Variants in PRPF38B observed in about 807,000 individuals in gnomAD.
PRPF38B encodes the protein pre-mRNA-splicing factor 38B.
In PRPF38B, 18 loss-of-function variants were observed where a neutral mutation model predicts 67.2. The observed-to-expected ratio is 0.27, with a 90% confidence interval of 0.19 to 0.40. PRPF38B has a LOEUF of 0.40. PRPF38B is among the 10% of genes least tolerant of loss of function. The pLI is 1.00. For synonymous variants in PRPF38B, 246 were observed against 234.2 expected, an observed-to-expected ratio of 1.05 and a Z score of -0.46; for missense variants, 544 against 684.9, an observed-to-expected ratio of 0.79 and a Z score of 2.30.
chr1:108,693,306 C>G (rs1389184936), intron 1 of PRPF38B, among the ~76,000 whole-genome samples: 1 of 152,020 alleles, frequency 6.6e-6, no homozygotes, highest in African/African-American at 2.4e-5. Flanking sequence ...GTTGTTGGTA[C>G]TCACTATCCG....
intron 1 of PRPF38B, among the ~76,000 whole-genome samples, chr1:108,694,316 C>T (rs2101033871): frequency 6.6e-6 from 1 of 152,240 alleles, no homozygotes. Flanking sequence ...GCGGCAGGTT[C>T]TGTTTTCTAA....
chr1:108,695,962 G>A (rs1377656813), intron 2 of PRPF38B, 81 bp from the exon 3 acceptor site: 1 of 1,457,364 alleles, frequency 6.9e-7, no homozygotes, highest in African/African-American at 1.4e-5. Flanking sequence ...GATTGTTATT[G>A]ATACCTAACA....
At position 108,700,454 on chromosome 1, in the gene PRPF38B, A is replaced by G. The variant is rs538150961; in HGVS notation, c.*434A>G. On this transcript the variant is annotated 3_prime_UTR_variant, in exon 6 of 6. Transcript: ENST00000370025. ...GTAATAGAATGCTAAAGACTTTGAG[A>G]ATGGATCTTGGATGTCTATTATAGG... The G allele has an allele frequency of 6.3e-6, 1 of 157,796 alleles. No individual in the cohort carries two copies. The highest frequency in any genetic ancestry group is 1.9e-4 in the South Asian group (1 of 5,344). 9.8% of individuals were successfully genotyped at this position (157,796 alleles called of 1,614,324 possible). A position where few individuals can be genotyped will look rare whatever the true frequency, so the allele number is the denominator to read the frequency against.
chr1:108,692,631 C>T lies in PRPF38B; in HGVS notation c.40C>T (p.Pro14Ser), dbSNP rs780181983. The change falls in exon 1 of 6, where the codon CCG (proline) becomes TCG (serine). Residue 14 changes from proline to serine, a missense_variant. Pro to Ser is a moderately conservative substitution (Grantham distance 74, BLOSUM62 -1). Around this residue, in one of 5 missense-constraint regions of PRPF38B, gnomAD observed 70 missense variants for 58.4 expected, o/e 1.20. Transcript: ENST00000370025. ...NSPALTGNSQ[P>S]QHQAAAAAAQ... ...CCCCGCGCTGACAGGCAACTCGCAG[C>T]CGCAGCACCAGGCGGCTGCAGCTGC... 2.5e-6 allele frequency: 4 copies of T among 1,609,140 alleles called. No individual in the cohort carries two copies. The highest frequency in any genetic ancestry group is 3.4e-6 in the Non-Finnish European group (4 of 1,178,130).
intron 1 of PRPF38B, among the ~76,000 whole-genome samples, chr1:108,693,271 G>C (rs1335635033): frequency 6.6e-6 from 1 of 152,136 alleles, no homozygotes; most frequent in Non-Finnish European, 1.5e-5. Flanking sequence ...GCCAGGGCGT[G>C]TAATGACTTC....
chr1:108,699,054 C>T lies in PRPF38B; in HGVS notation c.783-108C>T, dbSNP rs573142702. 1.9e-4 allele frequency: 284 copies of T among 1,511,074 alleles called. 2 individuals are homozygous for T. In the South Asian group the frequency reaches 2.9e-3, roughly 15 times the overall value. 93.6% of individuals were successfully genotyped at this position (1,511,074 alleles called of 1,614,324 possible). ...TTTGCTTTAATGATTCTTGACATGG[C>T]CTTAAGCTTGAGGACATGAATAAAT... is the stretch of plus-strand genomic sequence containing the variant. On this transcript the variant is annotated intron_variant, in intron 5 of 5. Coordinates refer to ENST00000370025, the MANE Select transcript of PRPF38B (RefSeq NM_018061.4).
chr1:108,696,362 G>C (rs752324250), intron 4 of PRPF38B, 25 bp downstream of exon 4: 4 of 1,574,622 alleles, frequency 2.5e-6, no homozygotes, highest in Non-Finnish European at 2.6e-6. Flanking sequence ...GTAATAATTT[G>C]TTTTCTTCTG....
Position 108,696,219 on chromosome 1 carries a change from C to T in PRPF38B, c.497+25C>T, listed in dbSNP as rs766719753. 2.5e-6 allele frequency: 4 copies of T among 1,610,954 alleles called. No homozygotes were observed. The Admixed American group carries it at 6.7e-5, about 27-fold the overall frequency. Reference sequence around the variant, plus strand: ...GGTGAGCGTACATTTATGTACATTTCCAGTAAATATCTCATTTTAATTCAC... The same window carrying T: ...GGTGAGCGTACATTTATGTACATTTTCAGTAAATATCTCATTTTAATTCAC... On this transcript the variant is annotated intron_variant, in intron 3 of 5. Transcript: ENST00000370025.
chr1:108,696,504 T>A (rs1659871028), intron 4 of PRPF38B, 167 bp downstream of exon 4: 1 of 644,896 alleles, frequency 1.6e-6, no homozygotes, highest in Non-Finnish European at 2.7e-6. Context: ...ATGGCTTTTA[T>A]GTATTTTAGG....
Position 108,701,329 on chromosome 1 carries a change from T to C in PRPF38B, c.*1309T>C, listed in dbSNP as rs548505420. On this transcript the variant is annotated 3_prime_UTR_variant, in exon 6 of 6. Coordinates refer to ENST00000370025, the MANE Select transcript of PRPF38B (RefSeq NM_018061.4). ...GACAAGTGAATTTTGGAGAAATGCA[T>C]AGACTGGGATTGGGCATGTGGTAAT... is the stretch of plus-strand genomic sequence containing the variant. 5.2e-5 allele frequency: 8 copies of C among 152,740 alleles called. No individual in the cohort carries two copies. The East Asian group carries it at 1.5e-3, about 29-fold the overall frequency. The allele number at this position is 152,740 out of a possible 1,614,324, so 9.5% of individuals were successfully genotyped here. A position where few individuals can be genotyped will look rare whatever the true frequency, so the allele number is the denominator to read the frequency against.
At position 108,696,307 on chromosome 1, in the gene PRPF38B, C is replaced by G. The variant is rs1379437169; in HGVS notation, c.528C>G (p.Asp176Glu). The part of the protein sequence containing the change: ...RYTQPPTDLW[D>E]WFESFLDDEE... ...CACAGCCCCCTACAGATCTGTGGGA[C>G]TGGTTTGAATCCTTCCTTGATGATG... The change falls in exon 4 of 6, where the codon GAC becomes GAG. Residue 176 changes from aspartate (D) to glutamate (E), a missense_variant. Physicochemically the swap from Asp to Glu is conservative, Grantham distance 45 (BLOSUM62 2). Coordinates refer to ENST00000370025, the MANE Select transcript of PRPF38B (RefSeq NM_018061.4). The G allele has an allele frequency of 6.2e-6, 10 of 1,612,620 alleles. No homozygotes were observed. The highest frequency in any genetic ancestry group is 8.5e-6 in the Non-Finnish European group (10 of 1,179,176).
At chr1:108,696,361 T>C (rs1266019487) in intron 4 of PRPF38B, 24 bp downstream of exon 4, 1 of 1,575,858 alleles carries the variant, frequency 6.3e-7, no homozygotes, top group Non-Finnish European at 8.7e-7. Flanking sequence ...GGTAATAATT[T>C]GTTTTCTTCT....
chr1:108,700,702 A>T lies in PRPF38B; in HGVS notation c.*682A>T, dbSNP rs1660399662. On this transcript the variant is annotated 3_prime_UTR_variant, in exon 6 of 6. Coordinates refer to ENST00000370025, the MANE Select transcript of PRPF38B (RefSeq NM_018061.4). ...ATTCTACCTCAAAGGGACACTTAGT[A>T]TGCCTAAAATTTATTCACTTAGTTT... The T allele has an allele frequency of 6.6e-6, 1 of 152,670 alleles. No homozygotes were observed. The highest frequency in any genetic ancestry group is 1.5e-5 in the Non-Finnish European group (1 of 68,038). The allele number at this position is 152,670 out of a possible 1,614,324, so 9.5% of individuals were successfully genotyped here. A position where few individuals can be genotyped will look rare whatever the true frequency, so the allele number is the denominator to read the frequency against.
intron 4 of PRPF38B, chr1:108,696,652 G>A (rs1659886794): frequency 1.4e-6 from 1 of 700,776 alleles, no homozygotes; most frequent in Non-Finnish European, 2.6e-6. Context: ...GACTTTTCAA[G>A]ATGGGGCATG....
chr1:108,695,699 C>T lies in PRPF38B; in HGVS notation c.277-3C>T. 1 of 1,613,550 alleles carries T rather than the reference C, an allele frequency of 6.2e-7. No homozygotes were observed. Among genetic ancestry groups the T allele is most frequent in the Non-Finnish European group, 8.5e-7 (1 of 1,179,692 alleles). On this transcript the variant is annotated splice_region_variant and splice_polypyrimidine_tract_variant and intron_variant, in intron 1 of 5. Coordinates refer to ENST00000370025, the MANE Select transcript of PRPF38B (RefSeq NM_018061.4). ...TTGTTGTGTTCCTCTTTTCTATTTT[C>T]AGGTCACGCACGTTGAACCATGGGA...
In PRPF38B at chr1:108,692,589, A is replaced by G. The variant is rs1009601554; in HGVS notation, c.-3A>G. On this transcript the variant is annotated 5_prime_UTR_variant, in exon 1 of 6. Coordinates refer to ENST00000370025, the MANE Select transcript of PRPF38B (RefSeq NM_018061.4). ...TTCCCTCCCTCCTTCCTTCCGCCGC[A>G]ACATGGCTAACAACAGCCCCGCGCT... is the stretch of plus-strand genomic sequence containing the variant. 7.3e-7 allele frequency: 1 copy of G among 1,363,856 alleles called. No individual in the cohort carries two copies. Among genetic ancestry groups the G allele is most frequent in the Non-Finnish European group, 9.7e-7 (1 of 1,030,874 alleles). The allele number at this position is 1,363,856 out of a possible 1,614,324, so 84.5% of individuals were successfully genotyped here. A position where few individuals can be genotyped will look rare whatever the true frequency, so the allele number is the denominator to read the frequency against.
rs1659401974 is a variant in PRPF38B, at chr1:108,692,512, C to T, written c.-80C>T. On this transcript the variant is annotated 5_prime_UTR_variant, in exon 1 of 6. Coordinates refer to ENST00000370025, the MANE Select transcript of PRPF38B (RefSeq NM_018061.4). ...GACGACGTTCGATGGAGTAGGGTCC[C>T]AGACCGTTGTCCCGAAGAGCGAGAT... 3 of 1,448,312 alleles carry T rather than the reference C, an allele frequency of 2.1e-6. No homozygotes were observed. The highest frequency in any genetic ancestry group is 2.8e-5 in the South Asian group (2 of 72,298). The allele number at this position is 1,448,312 out of a possible 1,614,324, so 89.7% of individuals were successfully genotyped here.
At chr1:108,696,405 TTGG>T (rs2101041484) in intron 4 of PRPF38B, 68 bp downstream of exon 4, 1 of 1,408,926 alleles carries the variant, frequency 7.1e-7, no homozygotes, top group South Asian at 1.2e-5. Flanking sequence ...CTTTTATTTA[TTGG>T]TGGTTTAATG....
At position 108,700,542 on chromosome 1, in the gene PRPF38B, T is replaced by C. The variant is rs1356532956; in HGVS notation, c.*522T>C. 1 of 153,124 alleles carries C rather than the reference T, an allele frequency of 6.5e-6. No individual in the cohort carries two copies. Among genetic ancestry groups the C allele is most frequent in the Non-Finnish European group, 1.5e-5 (1 of 68,378 alleles). The allele number at this position is 153,124 out of a possible 1,614,324, so 9.5% of individuals were successfully genotyped here. Reference sequence around the variant, plus strand: ...GTAGGATTAACATTCTTGTCTACTGTATATTATCTTGGAAGGCTCTTGTTA... The same window carrying C: ...GTAGGATTAACATTCTTGTCTACTGCATATTATCTTGGAAGGCTCTTGTTA... On this transcript the variant is annotated 3_prime_UTR_variant, in exon 6 of 6. Transcript: ENST00000370025.
Sources: allele counts gnomAD v4.1 joint callset (sites outside exome capture counted in the v4.1 genomes callset), GRCh38; gene constraint gnomAD v4.1.1; regional missense constraint gnomAD v4.1.1; transcripts MANE v1.5; gene names NCBI Gene and HGNC (gene_info 2026-07-23, HGNC 2026-07-21).